DZANK1: variants seen among roughly 807,000 people sequenced by gnomAD.
DZANK1 encodes the protein double zinc ribbon and ankyrin repeat-containing protein 1.
DZANK1 carries 91 observed loss-of-function variants against 94.5 expected under a neutral mutation model. The ratio of observed to expected loss-of-function variants is 0.96; its 90% CI spans 0.81 to 1.15. DZANK1 has a LOEUF of 1.15. DZANK1 is among the 50% of genes most tolerant of loss of function. The pLI, the probability that DZANK1 is intolerant of heterozygous loss-of-function variation, is 0.00. For synonymous variants in DZANK1, 312 were observed against 325.3 expected, an observed-to-expected ratio of 0.96 and a Z score of 0.44; for missense variants, 903 against 916.4, an observed-to-expected ratio of 0.99 and a Z score of 0.19.
intron 9 of DZANK1, among the ~76,000 whole-genome samples, chr20:18,431,381 A>G (rs1446112590): frequency 2.0e-5 from 3 of 152,064 alleles, no homozygotes; most frequent in East Asian, 1.9e-4. Context: ...CTAGAGACCA[A>G]CGCAGAAAGG....
At chr20:18,449,794 C>A in intron 6 of DZANK1, among the ~76,000 whole-genome samples, 1 of 145,752 alleles carries the variant, frequency 6.9e-6, no homozygotes, top group African/African-American at 2.5e-5. Context: ...AATAAATAAA[C>A]TCGGCTGGGC....
At chr20:18,411,446 A>T (rs1464936148) in intron 13 of DZANK1, among the ~76,000 whole-genome samples, 1 of 152,238 alleles carries the variant, frequency 6.6e-6, no homozygotes, top group Non-Finnish European at 1.5e-5. Flanking sequence ...AACAAGAAAT[A>T]GAAAATCTGA....
Position 18,446,465 on chromosome 20 carries a change from A to G in DZANK1, c.629+2519T>C, listed in dbSNP as rs77219073. On this transcript the variant is annotated intron_variant, in intron 7 of 20. Coordinates refer to ENST00000262547, the Ensembl canonical transcript of DZANK1. ...AACTGAATGAAGATGAAAACACAAC[A>G]TATCAAAATTCAGAGACTGCAAGTA... is the stretch of plus-strand genomic sequence containing the variant. Among the ~76,000 whole-genome samples, 1,012 of 152,372 alleles carry G rather than the reference A, an allele frequency of 6.6e-3. 13 individuals carry two copies. Among genetic ancestry groups the G allele is most frequent in the African/African-American group, 0.023 (976 of 41,588 alleles).
intron 10 of DZANK1, among the ~76,000 whole-genome samples, chr20:18,422,009 T>C (rs1317831816): frequency 1.3e-5 from 2 of 152,234 alleles, no homozygotes; most frequent in Non-Finnish European, 2.9e-5. Flanking sequence ...ATTCTGTAGG[T>C]TGTCTCTTAA....
intron 5 of DZANK1, 86 bp from the exon 6 acceptor site, chr20:18,452,825 T>C (rs567848489): frequency 3.7e-5 from 51 of 1,360,976 alleles, no homozygotes; most frequent in Non-Finnish European, 4.9e-5. Context: ...GGAGACCTTT[T>C]AATAAAGAAC....
At chr20:18,460,047 A>T in intron 3 of DZANK1, 106 bp downstream of exon 3, 1 of 812,084 alleles carries the variant, frequency 1.2e-6, no homozygotes, top group Non-Finnish European at 1.8e-6. Context: ...ATGTTTCAGT[A>T]GTGTCCTTCT....
intron 17 of DZANK1, 46 bp downstream of exon 17, chr20:18,393,665 C>A: frequency 7.9e-7 from 1 of 1,264,316 alleles, no homozygotes; most frequent in Non-Finnish European, 1.1e-6. Flanking sequence ...ACCTGAAAAT[C>A]ACAGGCTGAA....
chr20:18,383,721 A>C (rs2048318603), exon 21 of DZANK1: 1 of 152,320 alleles, frequency 6.6e-6, no homozygotes, highest in South Asian at 2.1e-4. Context: ...TTGCTGGCTG[A>C]GGAGAGAGGT....
intron 4 of DZANK1, chr20:18,454,320 C>A (rs1305502488): frequency 3.1e-6 from 1 of 321,340 alleles, no homozygotes; most frequent in Admixed American, 4.3e-5. Flanking sequence ...GCGGCCCCTG[C>A]CCAGTGTAGA....
chr20:18,424,439 A>T (rs1036819629), intron 10 of DZANK1, among the ~76,000 whole-genome samples: 4 of 151,626 alleles, frequency 2.6e-5, no homozygotes, highest in African/African-American at 9.7e-5. Context: ...TGGGCGACAG[A>T]GCAAGACTCC....
chr20:18,439,548 C>T (rs2058653715), intron 8 of DZANK1, among the ~76,000 whole-genome samples: 1 of 152,122 alleles, frequency 6.6e-6, no homozygotes, highest in African/African-American at 2.4e-5. Flanking sequence ...CATTACTGTC[C>T]TTGTCTTTGG....
intron 2 of DZANK1, among the ~76,000 whole-genome samples, chr20:18,460,670 A>G (rs1318742231): frequency 1.3e-5 from 2 of 152,262 alleles, no homozygotes; most frequent in African/African-American, 4.8e-5. Flanking sequence ...CAGAACTTGC[A>G]GTGAGCTGAG....
At chr20:18,452,662 C>T in exon 6 of DZANK1, 2 of 1,606,226 alleles carry the variant, frequency 1.2e-6, no homozygotes, top group Non-Finnish European at 1.7e-6. Context: ...CCACCATAAG[C>T]TGGGATTTCC....
chr20:18,433,786 G>T (rs1436804112), intron 8 of DZANK1, 21 bp from the exon 9 acceptor site: 2 of 1,601,766 alleles, frequency 1.2e-6, no homozygotes, highest in Admixed American at 3.3e-5. Flanking sequence ...AAAAGGTCTG[G>T]TTTATCTTGC....
chr20:18,413,158 T>C, intron 12 of DZANK1: 1 of 402,752 alleles, frequency 2.5e-6, no homozygotes. Context: ...GAGCATAGAC[T>C]TCACTACTAA....
rs546973090 is a variant in DZANK1 at position 18,393,870 on chromosome 20, A to G, written c.1709-59T>C. 1.7e-5 allele frequency: 19 copies of G among 1,141,540 alleles called. 1 individual carries two copies. The South Asian group carries it at 2.3e-4, about 14-fold the overall frequency. The allele number at this position is 1,141,540 out of a possible 1,614,324, so 70.7% of individuals were successfully genotyped here. On this transcript the variant is annotated intron_variant, in intron 16 of 20. Coordinates refer to ENST00000262547, the Ensembl canonical transcript of DZANK1. The stretch of plus-strand genomic sequence containing the variant: ...CCCTCCCCCAACTCCCCACACAAAC[A>G]GTTATTTCTTACTTCCACGTCCCTC...
exon 11 of DZANK1, chr20:18,415,425 G>T (rs756463380): frequency 6.3e-7 from 1 of 1,579,788 alleles, no homozygotes; most frequent in East Asian, 2.3e-5. Context: ...GGCGGAGGAG[G>T]GGCTTTATCC....
At chr20:18,390,843 G>A (rs1240689733) in intron 17 of DZANK1, among the ~76,000 whole-genome samples, 1 of 152,100 alleles carries the variant, frequency 6.6e-6, no homozygotes, top group Non-Finnish European at 1.5e-5. Context: ...GCCAAAGTAT[G>A]ACAGTTCAGA....
At chr20:18,390,318 G>C in intron 18 of DZANK1, 61 bp downstream of exon 18, 2 of 1,491,846 alleles carry the variant, frequency 1.3e-6, no homozygotes, top group South Asian at 2.3e-5. Flanking sequence ...ATCTGAAGGA[G>C]ACAGAGGTGG....
Sources: gnomAD v4.1 joint callset for allele counts (sites outside exome capture counted in the v4.1 genomes callset) on GRCh38, gnomAD v4.1.1 for gene constraint, MANE v1.5 for transcripts, NCBI Gene and HGNC (gene_info 2026-07-23, HGNC 2026-07-21) for gene names.